Variants in CALCOCO1 observed in about 807,000 individuals in gnomAD.
The protein encoded by CALCOCO1 is calcium-binding and coiled-coil domain-containing protein 1.
Under a neutral mutation model 86.3 loss-of-function variants are expected in CALCOCO1, and 44 were observed. That is an observed-to-expected ratio of 0.51 (90% CI 0.40 to 0.66). The LOEUF (loss-of-function observed/expected upper bound fraction) is 0.66, where lower values mean the gene tolerates loss of function less well. Among genes scored for constraint, CALCOCO1 ranks in the 30% least tolerant of loss-of-function variants. The pLI, the probability that CALCOCO1 is intolerant of heterozygous loss-of-function variation, is 0.00. For synonymous variants in CALCOCO1, 297 were observed against 327.6 expected (o/e 0.91, Z 1.01); for missense variants, 708 against 851.1 (o/e 0.83, Z 2.09).
intron 9 of CALCOCO1, 69 bp from the exon 10 acceptor site, chr12:53,715,394 C>G: frequency 6.3e-7 from 1 of 1,584,110 alleles, no homozygotes; most frequent in Non-Finnish European, 8.6e-7. Context: ...CTGTCAACAG[C>G]ACCATCCCTT....
In CALCOCO1 at chr12:53,710,696, T is replaced by C. The variant is rs1286120476; in HGVS notation, c.*1248A>G. 1 of 152,132 alleles carries C rather than the reference T, an allele frequency of 6.6e-6. No homozygotes were observed. The highest frequency in any genetic ancestry group is 1.5e-5 in the Non-Finnish European group (1 of 68,092). The allele number at this position is 152,132 out of a possible 1,614,324, so 9.4% of individuals were successfully genotyped here. On this transcript the variant is annotated 3_prime_UTR_variant, in exon 15 of 15. Transcript: ENST00000550804. ...TTAGAGGTATGAGGCTTAGGGCATT[T>C]TTTACTAAGTAGATACTCAAAGGTG... is the stretch of plus-strand genomic sequence containing the variant.
Position 53,710,668 on chromosome 12 carries a change from C to T in CALCOCO1, c.*1276G>A, listed in dbSNP as rs1225923450. ...CAGAAACAGGAGGAATATAAAATCG[C>T]CTTTAGAGGTATGAGGCTTAGGGCA... On this transcript the variant is annotated 3_prime_UTR_variant, in exon 15 of 15. Coordinates refer to ENST00000550804, the MANE Select transcript of CALCOCO1 (RefSeq NM_020898.3). The T allele has an allele frequency of 6.6e-6, 1 of 152,204 alleles. No individual in the cohort carries two copies. The highest frequency in any genetic ancestry group is 1.5e-5 in the Non-Finnish European group (1 of 68,152). 9.4% of individuals were successfully genotyped at this position (152,204 alleles called of 1,614,324 possible). A position where few individuals can be genotyped will look rare whatever the true frequency, so the allele number is the denominator to read the frequency against.
At chr12:53,720,384 T>C (rs1277899852) in intron 6 of CALCOCO1, among the ~76,000 whole-genome samples, 2 of 152,262 alleles carry the variant, frequency 1.3e-5, no homozygotes, top group Non-Finnish European at 2.9e-5. Flanking sequence ...CAAAATATTC[T>C]TCTTTTAATT....
At chr12:53,725,292 A>G in intron 1 of CALCOCO1, 26 bp from the exon 2 acceptor site, 2 of 1,496,496 alleles carry the variant, frequency 1.3e-6, no homozygotes, top group Non-Finnish European at 1.8e-6. Flanking sequence ...TTGATAGCCT[A>G]AAGTCTTTCC....
chr12:53,715,981 TCTG>T lies in CALCOCO1; in HGVS notation c.1069_1071del (p.Gln357del). On this transcript the variant is annotated inframe_deletion, in exon 9 of 15. Coordinates refer to ENST00000550804, the MANE Select transcript of CALCOCO1 (RefSeq NM_020898.3). ...AACTCCTCCCCAAGAAGGGTGGCTT[TCTG>T]CTGGCTTGAGGCTGCAAGCTCCTGG... The T allele has an allele frequency of 1.2e-6, 2 of 1,614,140 alleles. No individual in the cohort carries two copies. Among genetic ancestry groups the T allele is most frequent in the Non-Finnish European group, 1.7e-6 (2 of 1,180,040 alleles).
In CALCOCO1 at chr12:53,719,834, G is replaced by T; in HGVS notation, c.759-5C>A. 6.2e-7 allele frequency: 1 copy of T among 1,602,336 alleles called. No individual in the cohort carries two copies. Among genetic ancestry groups the T allele is most frequent in the South Asian group, 1.1e-5 (1 of 90,784 alleles). On this transcript the variant is annotated splice_polypyrimidine_tract_variant and splice_region_variant and intron_variant, in intron 6 of 14. Coordinates refer to ENST00000550804, the MANE Select transcript of CALCOCO1 (RefSeq NM_020898.3). Reference sequence around the variant, plus strand: ...GCCTTCACTGTGTCTCTAAGCCTGTGATTGGTGGGATGACATGTCAGACAA... The same window carrying T: ...GCCTTCACTGTGTCTCTAAGCCTGTTATTGGTGGGATGACATGTCAGACAA...
In CALCOCO1 at chr12:53,711,365, C is replaced by T. The variant is rs573207141; in HGVS notation, c.*579G>A. ...CAAAAAACCCCTCCAAACTGAATAC[C>T]TAAGGTTATGGAAAAGGCTAGGGTG... On this transcript the variant is annotated 3_prime_UTR_variant, in exon 15 of 15. Transcript: ENST00000550804. 2.6e-6 allele frequency: 1 copy of T among 390,994 alleles called. No individual in the cohort carries two copies. The highest frequency in any genetic ancestry group is 2.1e-5 in the African/African-American group (1 of 48,104). 24.2% of individuals were successfully genotyped at this position (390,994 alleles called of 1,614,324 possible).
rs1324094909 is a variant in CALCOCO1 at position 53,716,033 on chromosome 12, G to A, written c.1020C>T (p.Pro340=). Residue 340 remains proline (P), a synonymous_variant, in exon 9 of 15, where the codon CCC becomes CCT. Transcript: ENST00000550804. ...GGGCCCCTCGAAGCTGCTCCTTCAA[G>A]GGCTCCAGCTCGGCCTCAGGAGAAA... is the stretch of plus-strand genomic sequence containing the variant. ...QAQQRVAELE[P]LKEQLRGAQE... is the part of the protein sequence containing the mutation. The A allele has an allele frequency of 3.1e-6, 5 of 1,612,694 alleles. No individual in the cohort carries two copies. In the African/African-American group the frequency reaches 5.3e-5, roughly 17 times the overall value.
At chr12:53,724,498 G>A (rs751680701) in intron 3 of CALCOCO1, 147 bp downstream of exon 3, 9 of 668,504 alleles carry the variant, frequency 1.3e-5, no homozygotes, top group Middle Eastern at 2.4e-4. Flanking sequence ...TCCGCTGAGC[G>A]CTGTTGGATA....
In CALCOCO1 at chr12:53,714,212, C is replaced by T. The variant is rs748207206; in HGVS notation, c.1512G>A (p.Glu504=). ...QELLEYMRKL[E]ARLEKVADEK... ...CATCTGCCACCTTCTCCAGGCGGGCCTCTAGCTTTCTCATGTACTCTAGCA... is the reference window on the plus strand; with the variant it reads ...CATCTGCCACCTTCTCCAGGCGGGCTTCTAGCTTTCTCATGTACTCTAGCA... Residue 504 remains glutamate (E), a synonymous_variant, in exon 12 of 15, where the codon GAG becomes GAA. Transcript: ENST00000550804. 6.2e-7 allele frequency: 1 copy of T among 1,613,676 alleles called. No individual in the cohort carries two copies.
chr12:53,709,694 G>A lies in CALCOCO1; in HGVS notation c.*2250C>T, dbSNP rs1274459618. 1 of 152,516 alleles carries A rather than the reference G, an allele frequency of 6.6e-6. No individual in the cohort carries two copies. Among genetic ancestry groups the A allele is most frequent in the African/African-American group, 2.4e-5 (1 of 41,462 alleles). The allele number at this position is 152,516 out of a possible 1,614,324, so 9.4% of individuals were successfully genotyped here. Reference sequence around the variant, plus strand: ...TCTTAAGTGCTTTTAGTCTGACAGTGTCTGTATCAGTGGCCTTGTGCAGCT... The same window carrying A: ...TCTTAAGTGCTTTTAGTCTGACAGTATCTGTATCAGTGGCCTTGTGCAGCT... On this transcript the variant is annotated 3_prime_UTR_variant, in exon 15 of 15. Coordinates refer to ENST00000550804, the MANE Select transcript of CALCOCO1 (RefSeq NM_020898.3).
chr12:53,714,310 G>C lies in CALCOCO1; in HGVS notation c.1483-69C>G, dbSNP rs373977481. ...GTGCCAACCTTGCTAGCCTGCAGAA[G>C]CTGCACCCAAGAAGAACTCTTAGCT... On this transcript the variant is annotated intron_variant, in intron 11 of 14. Transcript: ENST00000550804. The C allele has an allele frequency of 3.5e-5, 42 of 1,204,052 alleles. 1 individual carries two copies. In the South Asian group the frequency reaches 5.1e-4, roughly 15 times the overall value. The allele number at this position is 1,204,052 out of a possible 1,614,324, so 74.6% of individuals were successfully genotyped here. A position where few individuals can be genotyped will look rare whatever the true frequency, so the allele number is the denominator to read the frequency against.
At chr12:53,715,771 C>T in intron 9 of CALCOCO1, 22 bp downstream of exon 9, 1 of 1,607,500 alleles carries the variant, frequency 6.2e-7, no homozygotes, top group South Asian at 1.1e-5. Context: ...ATCAGATTGC[C>T]AGGTACCCCC....
rs2120581188 is a variant in CALCOCO1 at position 53,716,396 on chromosome 12, T to C, written c.869A>G (p.Gln290Arg). Residue 290 changes from glutamine (Q) to arginine (R), a missense_variant, in exon 8 of 15, where the codon CAA becomes CGA. Transcript: ENST00000550804. ...CAAATTTAAGTGATGGTTCTCCTGT[T>C]GTGCCACTTGGAGCTCAGCCTGAGG... ...EQSEAELQVA[Q>R]QENHHLNLDL... The C allele has an allele frequency of 6.2e-7, 1 of 1,614,202 alleles. No individual in the cohort carries two copies. Among genetic ancestry groups the C allele is most frequent in the African/African-American group, 1.3e-5 (1 of 75,046 alleles).
intron 12 of CALCOCO1, 93 bp from the exon 13 acceptor site, chr12:53,713,993 A>T (rs2120553599): frequency 7.5e-7 from 1 of 1,327,024 alleles, no homozygotes; most frequent in Non-Finnish European, 1.1e-6. Flanking sequence ...TCATTAGACT[A>T]AACAGGGGCC....
At chr12:53,716,197 C>G in intron 8 of CALCOCO1, 63 bp downstream of exon 8, 2 of 1,600,728 alleles carry the variant, frequency 1.2e-6, no homozygotes, top group Admixed American at 1.7e-5. Flanking sequence ...TTTAGACACG[C>G]AGGCTTCTCT....
chr12:53,724,737 G>C lies in CALCOCO1; in HGVS notation c.167C>G (p.Ala56Gly). The part of the protein sequence containing the change: ...DWIGIFKVEA[A>G]CVRDYHTFVW... ...AAATGTGTGGTAATCCCGAACACAG[G>C]CAGCCTCCACCTGTGAAAGCCCAAG... Residue 56 changes from alanine (A) to glycine (G), a missense_variant, in exon 3 of 15, where the codon GCC (alanine) becomes GGC (glycine). Physicochemically the swap from Ala to Gly is moderately conservative, Grantham distance 60. Coordinates refer to ENST00000550804, the MANE Select transcript of CALCOCO1 (RefSeq NM_020898.3). The C allele has an allele frequency of 6.2e-7, 1 of 1,612,486 alleles. No homozygotes were observed. Among genetic ancestry groups the C allele is most frequent in the Non-Finnish European group, 8.5e-7 (1 of 1,179,230 alleles).
At chr12:53,715,627 A>T in intron 9 of CALCOCO1, 166 bp downstream of exon 9, 1 of 917,812 alleles carries the variant, frequency 1.1e-6, no homozygotes, top group Non-Finnish European at 1.6e-6. Context: ...GGGATGGGTC[A>T]TGCCTAGAAA....
chr12:53,712,696 G>T, intron 14 of CALCOCO1: 2 of 756,404 alleles, frequency 2.6e-6, no homozygotes, highest in Non-Finnish European at 1.8e-6. Flanking sequence ...ATGGATGCTG[G>T]ATCCCAGTCT....
Sources: gnomAD v4.1 joint callset for allele counts (sites outside exome capture counted in the v4.1 genomes callset) on GRCh38, gnomAD v4.1.1 for gene constraint, MANE v1.5 for transcripts, NCBI Gene and HGNC (gene_info 2026-07-23, HGNC 2026-07-21) for gene names.